LRMDA: variants seen among roughly 807,000 people sequenced by gnomAD.
LRMDA encodes leucine-rich melanocyte differentiation-associated protein.
A neutral mutation model predicts 29.8 loss-of-function variants in LRMDA; 18 were observed. The observed-to-expected ratio is 0.60, with a 90% CI of 0.42 to 0.90. The LOEUF (loss-of-function observed/expected upper bound fraction) is 0.90. LRMDA is among the 40% of genes least tolerant of loss of function. The pLI, the probability that LRMDA is intolerant of heterozygous loss-of-function variation, is 0.00. For synonymous variants in LRMDA, 125 were observed against 109.4 expected (o/e 1.14, Z -0.89); for missense variants, 273 against 273.9 (o/e 1.00, Z 0.02).
chr10:76,020,171 G>A (rs181672440), intron 2 of LRMDA, among the ~76,000 whole-genome samples: 46 of 152,342 alleles, frequency 3.0e-4, no homozygotes, highest in Non-Finnish European at 5.0e-4. Flanking sequence ...GACTGGACCA[G>A]ATGTGGGTCG....
chr10:75,832,215 C>A (rs1234344789), intron 2 of LRMDA, among the ~76,000 whole-genome samples: 1 of 152,140 alleles, frequency 6.6e-6, no homozygotes, highest in Non-Finnish European at 1.5e-5. Context: ...TTAACAGCAC[C>A]CAAGTCACCT....
chr10:76,512,736 T>C (rs569643658), intron 6 of LRMDA, among the ~76,000 whole-genome samples: 3 of 152,300 alleles, frequency 2.0e-5, no homozygotes, highest in East Asian at 3.9e-4. Flanking sequence ...CACCATTAAA[T>C]AGGAAGATAG....
At chr10:75,614,705 T>C (rs1475824861) in intron 2 of LRMDA, among the ~76,000 whole-genome samples, 1 of 152,150 alleles carries the variant, frequency 6.6e-6, no homozygotes, top group Admixed American at 6.5e-5. Context: ...TTGTGATGCA[T>C]GCACTGAATA....
Position 76,193,096 on chromosome 10 carries a change from T to C in LRMDA, c.517-131305T>C, listed in dbSNP as rs561400262. ...CTGGACTAAGGCTAGGTTGCATAAA[T>C]ATTTAGTTAGAGATATGAGCGTGTT... On this transcript the variant is annotated intron_variant, in intron 5 of 6. Coordinates refer to ENST00000611255, the MANE Select transcript of LRMDA (RefSeq NM_001305581.2). Among the ~76,000 whole-genome samples, 11 of 152,248 alleles carry C rather than the reference T, an allele frequency of 7.2e-5. No individual in the cohort carries two copies. In the South Asian group the frequency reaches 2.3e-3, roughly 32 times the overall value.
intron 2 of LRMDA, among the ~76,000 whole-genome samples, chr10:75,693,873 AAGG>A (rs1842200960): frequency 6.6e-6 from 1 of 152,198 alleles, no homozygotes; most frequent in South Asian, 2.1e-4. Flanking sequence ...TCTTGGATGA[AAGG>A]AGACCTCTAA....
intron 5 of LRMDA, among the ~76,000 whole-genome samples, chr10:76,273,357 GT>G (rs1377211000): frequency 6.6e-6 from 1 of 152,042 alleles, no homozygotes; most frequent in Non-Finnish European, 1.5e-5. Context: ...TGACTTTAAA[GT>G]TTAAAAACTG....
intron 6 of LRMDA, among the ~76,000 whole-genome samples, chr10:76,540,853 G>A (rs1843345932): frequency 6.6e-6 from 1 of 152,200 alleles, no homozygotes; most frequent in Non-Finnish European, 1.5e-5. Context: ...GAAAATGGAA[G>A]AAAGTTGGCT....
chr10:76,454,868 C>T (rs1842441854), intron 6 of LRMDA, among the ~76,000 whole-genome samples: 2 of 152,182 alleles, frequency 1.3e-5, no homozygotes, highest in Non-Finnish European at 2.9e-5. Context: ...GGAGTTTTCA[C>T]ATATGTTTCT....
intron 5 of LRMDA, among the ~76,000 whole-genome samples, chr10:76,308,637 T>C (rs2132374110): frequency 6.6e-6 from 1 of 152,294 alleles, no homozygotes; most frequent in Middle Eastern, 3.4e-3. Flanking sequence ...CCAATCTCTC[T>C]CCTGCTCTCA....
chr10:75,594,137 A>C (rs963970156), intron 2 of LRMDA, among the ~76,000 whole-genome samples: 3 of 152,206 alleles, frequency 2.0e-5, no homozygotes, highest in Non-Finnish European at 4.4e-5. Flanking sequence ...AAAATGTAGC[A>C]TCAGGGTGCC....
chr10:76,005,630 T>TA (rs1054437253), intron 2 of LRMDA, among the ~76,000 whole-genome samples: 8 of 149,014 alleles, frequency 5.4e-5, no homozygotes, highest in African/African-American at 1.5e-4. Flanking sequence ...AGTAAATACC[T>TA]AAAAAAAATA....
chr10:76,495,152 T>A (rs1842869845), intron 6 of LRMDA, among the ~76,000 whole-genome samples: 1 of 151,918 alleles, frequency 6.6e-6, no homozygotes, highest in Admixed American at 6.6e-5. Flanking sequence ...AAGTGCATAA[T>A]CTATTGTGCT....
At chr10:75,737,070 C>G (rs560599735) in intron 2 of LRMDA, among the ~76,000 whole-genome samples, 1 of 151,674 alleles carries the variant, frequency 6.6e-6, no homozygotes, top group South Asian at 2.1e-4. Flanking sequence ...CGCACACACA[C>G]ACACACACGC....
At chr10:75,976,379 C>T (rs1180780217) in intron 2 of LRMDA, among the ~76,000 whole-genome samples, 5 of 152,250 alleles carry the variant, frequency 3.3e-5, no homozygotes, top group Non-Finnish European at 7.3e-5. Flanking sequence ...ATATAACCCA[C>T]TTATAACTGG....
intron 6 of LRMDA, among the ~76,000 whole-genome samples, chr10:76,415,509 T>C (rs1285197810): frequency 6.6e-6 from 1 of 152,180 alleles, no homozygotes; most frequent in Non-Finnish European, 1.5e-5. Flanking sequence ...CGTTCTAGGC[T>C]TCAGTTTCTT....
chr10:76,497,145 T>G (rs1842883385), intron 6 of LRMDA, among the ~76,000 whole-genome samples: 1 of 76,212 alleles, frequency 1.3e-5, no homozygotes, highest in African/African-American at 3.2e-5. Flanking sequence ...CTTCACTTAC[T>G]TCCTTGTTAT....
In LRMDA at chr10:76,015,009, A is replaced by G. The variant is rs180918892; in HGVS notation, c.132-20999A>G. On this transcript the variant is annotated intron_variant, in intron 2 of 6. Coordinates refer to ENST00000611255, the MANE Select transcript of LRMDA (RefSeq NM_001305581.2). ...GAATCATATATGTAAATGTAAAGCA[A>G]CTGCCATTCAAAATCTGATGTACAG... 1.1e-4 allele frequency among the ~76,000 whole-genome samples: 17 copies of G among 152,320 alleles called. No individual in the cohort carries two copies. In the East Asian group the frequency reaches 3.1e-3, roughly 28 times the overall value.
intron 6 of LRMDA, among the ~76,000 whole-genome samples, chr10:76,459,343 G>A (rs1038092120): frequency 2.6e-5 from 4 of 152,154 alleles, no homozygotes; most frequent in Non-Finnish European, 5.9e-5. Flanking sequence ...GGTTTTGAAA[G>A]CTTTTCCTCC....
At chr10:75,561,431 A>C (rs1308378577) in intron 2 of LRMDA, among the ~76,000 whole-genome samples, 1 of 150,764 alleles carries the variant, frequency 6.6e-6, no homozygotes, top group Non-Finnish European at 1.5e-5. Flanking sequence ...TTTTTTCTTT[A>C]TTAGTCTTGC....
Sources: allele counts gnomAD v4.1 joint callset (sites outside exome capture counted in the v4.1 genomes callset), GRCh38; gene constraint gnomAD v4.1.1; transcripts MANE v1.5; gene names NCBI Gene and HGNC (gene_info 2026-07-23, HGNC 2026-07-21).